Variants in ADGRG5 observed in about 807,000 individuals in gnomAD.
ADGRG5 encodes the protein adhesion G protein-coupled receptor G5.
ADGRG5 carries 37 observed loss-of-function variants against 53.2 expected under a neutral mutation model. The observed-to-expected ratio is 0.70, with a 90% CI of 0.53 to 0.91. ADGRG5 has a LOEUF of 0.91. Ranked by LOEUF, ADGRG5 falls within the 40% of genes least tolerant of loss-of-function variation. The probability of loss-of-function intolerance (pLI) is 0.00; values close to 1 mark genes in which losing one functional copy is unlikely to be tolerated. For missense variants in ADGRG5, 614 were observed against 675.8 expected, an observed-to-expected ratio of 0.91 and a Z score of 1.01; for synonymous variants, 277 against 290.4, an observed-to-expected ratio of 0.95 and a Z score of 0.47.
chr16:57,529,176 A>G, the ADGRG5 span: 8 of 1,180,960 alleles, frequency 6.8e-6, no homozygotes, highest in Non-Finnish European at 7.3e-6. This position sits in a 1 kb window ranked among gnomAD's most constrained non-coding sequence, Gnocchi z 4.1. Flanking sequence ...CCCGTGGCTC[A>G]TGGTGCGGCC....
At chr16:57,573,186 C>T (rs531344617) in intron 10 of ADGRG5, among the ~76,000 whole-genome samples, 1 of 152,174 alleles carries the variant, frequency 6.6e-6, no homozygotes, top group East Asian at 1.9e-4. Flanking sequence ...AATCCCAGGA[C>T]TTTGGAAGGC....
the ADGRG5 span, chr16:57,529,300 C>A: frequency 8.9e-7 from 1 of 1,117,436 alleles, no homozygotes; most frequent in Admixed American, 5.0e-5. The surrounding 1 kb of genome is among the most constrained non-coding windows in gnomAD (Gnocchi z 4.1). Context: ...CTCTGGGCCA[C>A]CGGGCGGAGG....
At chr16:57,572,076 C>G (rs1284053449) in intron 10 of ADGRG5, among the ~76,000 whole-genome samples, 1 of 151,838 alleles carries the variant, frequency 6.6e-6, no homozygotes, top group African/African-American at 2.4e-5. Context: ...ACTCTGCCCT[C>G]TCCTCTCAGG....
intron 1 of ADGRG5, among the ~76,000 whole-genome samples, chr16:57,549,906 G>C (rs1161295192): frequency 6.6e-6 from 1 of 152,134 alleles, no homozygotes; most frequent in African/African-American, 2.4e-5. Flanking sequence ...AGTGATATCT[G>C]ATTGTGGTTT....
chr16:57,569,793 C>T (rs200401848), intron 9 of ADGRG5, among the ~76,000 whole-genome samples: 2 of 151,684 alleles, frequency 1.3e-5, no homozygotes, highest in Admixed American at 6.6e-5. Flanking sequence ...TCACCATCAC[C>T]TCCTCCATCT....
intron 9 of ADGRG5, among the ~76,000 whole-genome samples, chr16:57,568,978 ACCT>A (rs1402349964): frequency 1.4e-5 from 2 of 139,366 alleles, no homozygotes; most frequent in Non-Finnish European, 3.1e-5. Context: ...CACCATCATC[ACCT>A]CCTCCACCTT....
At chr16:57,550,049 T>C (rs2032710425) in intron 1 of ADGRG5, among the ~76,000 whole-genome samples, 1 of 152,172 alleles carries the variant, frequency 6.6e-6, no homozygotes, top group South Asian at 2.1e-4. Flanking sequence ...TGATCTCAGC[T>C]CACTGCAGCC....
At chr16:57,529,272 A>G in the ADGRG5 span, 1 of 1,117,578 alleles carries the variant, frequency 8.9e-7, no homozygotes, top group Non-Finnish European at 1.1e-6. This position sits in a 1 kb window ranked among gnomAD's most constrained non-coding sequence, Gnocchi z 4.1. Flanking sequence ...GTGCATGATG[A>G]CGCCGTGCCC....
intron 1 of ADGRG5, among the ~76,000 whole-genome samples, chr16:57,545,633 C>G (rs925686059): frequency 6.6e-6 from 1 of 152,230 alleles, no homozygotes; most frequent in Non-Finnish European, 1.5e-5. Context: ...GAAAATACGT[C>G]TTGGAGAGCT....
At chr16:57,566,039 C>T (rs1292091929) in intron 6 of ADGRG5, 1 of 152,504 alleles carries the variant, frequency 6.6e-6, no homozygotes, top group Non-Finnish European at 1.5e-5. Context: ...TGTTGAAATC[C>T]AACACGTCCT....
Position 57,574,273 on chromosome 16 carries a change from T to A in ADGRG5, c.1209-542T>A, listed in dbSNP as rs1596804096. Among the ~76,000 whole-genome samples the A allele has an allele frequency of 6.6e-6, 1 of 152,040 alleles. No homozygotes were observed. Among genetic ancestry groups the A allele is most frequent in the East Asian group, 1.9e-4 (1 of 5,164 alleles). Reference sequence around the variant, plus strand: ...TGCTCTCAGGTTGACACTTGGAGGGTCCCTGTCCACCAAGCCACAGGTTGG... The same window carrying A: ...TGCTCTCAGGTTGACACTTGGAGGGACCCTGTCCACCAAGCCACAGGTTGG... On this transcript the variant is annotated intron_variant, in intron 10 of 11. Transcript: ENST00000349457. This position sits in a 1 kb window ranked among gnomAD's most constrained non-coding sequence, Gnocchi z 4.4.
intron 10 of ADGRG5, 76 bp downstream of exon 10, chr16:57,570,611 A>T: frequency 1.9e-6 from 2 of 1,074,648 alleles, no homozygotes; most frequent in Non-Finnish European, 2.9e-6. Context: ...TCCAAATGGA[A>T]TATCCTGTAG....
Position 57,567,602 on chromosome 16 carries a change from G to T in ADGRG5, c.821+11G>T. On this transcript the variant is annotated intron_variant, in intron 8 of 11. Coordinates refer to ENST00000349457, the MANE Select transcript of ADGRG5 (RefSeq NM_001304376.3). ...GCACTTCCATTTCAGGTATTCCGCTGCCACAGTGCTGGGCCTGCCCTGCAC... is the reference window on the plus strand; with the variant it reads ...GCACTTCCATTTCAGGTATTCCGCTTCCACAGTGCTGGGCCTGCCCTGCAC... 6.2e-7 allele frequency: 1 copy of T among 1,608,590 alleles called. No individual in the cohort carries two copies.
At chr16:57,535,980 G>A in the ADGRG5 span, among the ~76,000 whole-genome samples, 32 of 152,280 alleles carry the variant, frequency 2.1e-4, no homozygotes, top group South Asian at 5.8e-3. Flanking sequence ...CAAGCCGCTG[G>A]CCCTGCGAAC....
At chr16:57,569,724 C>G (rs1339315209) in intron 9 of ADGRG5, among the ~76,000 whole-genome samples, 1 of 151,626 alleles carries the variant, frequency 6.6e-6, no homozygotes, top group Non-Finnish European at 1.5e-5. Context: ...CCATCGTCAT[C>G]ACATCCTCCA....
chr16:57,558,429 A>G lies in ADGRG5; in HGVS notation c.-38-3627A>G, dbSNP rs190132185. On this transcript the variant is annotated intron_variant, in intron 1 of 11. Transcript: ENST00000349457. ...CCGCGCTCAGCATTGCATGCATGCA[A>G]CACAGAGGAAATCTCTCTTCGTGTT... Among the ~76,000 whole-genome samples the G allele has an allele frequency of 1.7e-3, 259 of 152,340 alleles. 1 individual carries two copies. The highest frequency in any genetic ancestry group is 5.8e-3 in the African/African-American group (240 of 41,578).
In ADGRG5 at chr16:57,552,772, G is replaced by A. The variant is rs183840481; in HGVS notation, c.-38-9284G>A. On this transcript the variant is annotated intron_variant, in intron 1 of 11. Coordinates refer to ENST00000349457, the MANE Select transcript of ADGRG5 (RefSeq NM_001304376.3). ...TGAACTGTTCGGTGCAGGATGCCTC[G>A]CTTTTGGCTTATCTGGGTTTTCACG... Among the ~76,000 whole-genome samples the A allele has an allele frequency of 1.5e-3, 234 of 152,156 alleles. 1 individual carries two copies. Among genetic ancestry groups the A allele is most frequent in the African/African-American group, 5.0e-3 (207 of 41,506 alleles).
At chr16:57,540,357 ACTGTTTAT>A (rs2032472548), upstream of ADGRG5, among the ~76,000 whole-genome samples, 1 of 152,102 alleles carries the variant, frequency 6.6e-6, no homozygotes, top group Non-Finnish European at 1.5e-5. Flanking sequence ...TTGCATTGTG[ACTGTTTAT>A]CTAAAGTCCT....
intron 10 of ADGRG5, among the ~76,000 whole-genome samples, chr16:57,573,026 G>A (rs1195573486): frequency 4.6e-5 from 7 of 152,202 alleles, no homozygotes; most frequent in African/African-American, 1.7e-4. Flanking sequence ...TCTGCAGGAT[G>A]AGGACGATTA....
Sources: allele counts gnomAD v4.1 joint callset (sites outside exome capture counted in the v4.1 genomes callset), GRCh38; gene constraint gnomAD v4.1.1; non-coding constraint Gnocchi (gnomAD v3.1); transcripts MANE v1.5; gene names NCBI Gene and HGNC (gene_info 2026-07-23, HGNC 2026-07-21).